Variants in ATP9A observed in about 807,000 individuals in gnomAD.
ATP9A encodes ATPase phospholipid transporting 9A.
Under a neutral mutation model 144.1 loss-of-function variants are expected in ATP9A, and 52 were observed. The observed-to-expected ratio is 0.36, with a 90% CI of 0.29 to 0.45. ATP9A has a LOEUF of 0.45. Among genes scored for constraint, ATP9A ranks in the 20% least tolerant of loss-of-function variants. ATP9A has a pLI of 1.00. For missense variants in ATP9A, 947 were observed against 1,392.7 expected (o/e 0.68, Z 5.09); for synonymous variants, 582 against 557.4 (o/e 1.04, Z -0.62).
At chr20:51,695,133 T>A (rs1038021364) in intron 6 of ATP9A, among the ~76,000 whole-genome samples, 4 of 152,066 alleles carry the variant, frequency 2.6e-5, no homozygotes, top group African/African-American at 9.7e-5. Flanking sequence ...CCTCCGATCA[T>A]GCCAGATAAG....
At chr20:51,633,509 G>A (rs544351011) in intron 15 of ATP9A, among the ~76,000 whole-genome samples, 8 of 152,310 alleles carry the variant, frequency 5.3e-5, no homozygotes, top group African/African-American at 1.9e-4. Flanking sequence ...ACTTAGGGAG[G>A]TTGAAGCGGG....
chr20:51,727,235 A>G (rs1235504801), intron 2 of ATP9A, among the ~76,000 whole-genome samples: 1 of 151,566 alleles, frequency 6.6e-6, no homozygotes, highest in Non-Finnish European at 1.5e-5. Context: ...AGATCGCGCC[A>G]CTACACTCCA....
At chr20:51,687,945 ATTAAG>A (rs1258593400) in intron 9 of ATP9A, among the ~76,000 whole-genome samples, 2 of 152,160 alleles carry the variant, frequency 1.3e-5, no homozygotes, top group Admixed American at 1.3e-4. Context: ...TAACTATACT[ATTAAG>A]TTAATGATAT....
At chr20:51,763,588 C>T (rs967926304) in intron 1 of ATP9A, among the ~76,000 whole-genome samples, 7 of 152,166 alleles carry the variant, frequency 4.6e-5, no homozygotes, top group African/African-American at 1.2e-4. Context: ...GCTGGGATTA[C>T]AGGAATGAGC....
intron 17 of ATP9A, 120 bp from the exon 18 acceptor site, chr20:51,625,482 C>A: frequency 8.4e-7 from 1 of 1,196,774 alleles, no homozygotes; most frequent in Non-Finnish European, 1.1e-6. Flanking sequence ...GGGACCCCAG[C>A]AGGTGAGCTG....
chr20:51,725,176 G>A (rs2077706937), intron 3 of ATP9A, among the ~76,000 whole-genome samples: 1 of 152,110 alleles, frequency 6.6e-6, no homozygotes, highest in South Asian at 2.1e-4. Flanking sequence ...AGGCTGGAGT[G>A]CAGTGGCGTG....
intron 18 of ATP9A, among the ~76,000 whole-genome samples, chr20:51,624,009 C>T (rs2077237580): frequency 6.6e-6 from 1 of 151,998 alleles, no homozygotes; most frequent in Non-Finnish European, 1.5e-5. Flanking sequence ...AACCCCAGGA[C>T]AAAGATGGAA....
chr20:51,668,215 C>T (rs2077441997), intron 13 of ATP9A, among the ~76,000 whole-genome samples: 1 of 144,084 alleles, frequency 6.9e-6, no homozygotes, highest in Non-Finnish European at 1.5e-5. Context: ...ATCTAGTGAT[C>T]GGGTGGGAGC....
At chr20:51,727,573 G>A (rs1388608098) in intron 2 of ATP9A, among the ~76,000 whole-genome samples, 1 of 151,824 alleles carries the variant, frequency 6.6e-6, no homozygotes, top group Non-Finnish European at 1.5e-5. Context: ...GTGACAATGA[G>A]TCCCCCACCT....
intron 11 of ATP9A, among the ~76,000 whole-genome samples, chr20:51,672,049 C>T (rs1462533534): frequency 6.6e-6 from 1 of 152,176 alleles, no homozygotes; most frequent in Non-Finnish European, 1.5e-5. Context: ...ATCCACCCGT[C>T]TTGGCCTCCC....
At chr20:51,616,538 C>T (rs994938952) in intron 22 of ATP9A, among the ~76,000 whole-genome samples, 14 of 152,062 alleles carry the variant, frequency 9.2e-5, no homozygotes, top group African/African-American at 3.1e-4. Context: ...AGGCTGGTCT[C>T]GAACTCCTGA....
chr20:51,766,302 G>T (rs981735147), intron 1 of ATP9A, among the ~76,000 whole-genome samples: 6 of 152,272 alleles, frequency 3.9e-5, no homozygotes, highest in African/African-American at 1.4e-4. Context: ...CCTGGTGATT[G>T]CAATGAACAG....
chr20:51,640,252 C>A (rs891573968), intron 14 of ATP9A, among the ~76,000 whole-genome samples: 5 of 152,226 alleles, frequency 3.3e-5, no homozygotes, highest in Non-Finnish European at 1.5e-5. Flanking sequence ...TCACACACTG[C>A]ACTGGGGGAG....
chr20:51,676,531 T>C (rs1477626634), intron 9 of ATP9A, among the ~76,000 whole-genome samples: 3 of 152,216 alleles, frequency 2.0e-5, no homozygotes, highest in Non-Finnish European at 4.4e-5. Context: ...CAGGCTGGAA[T>C]GCAATGGCGT....
At chr20:51,743,615 G>A (rs1253871156) in intron 1 of ATP9A, among the ~76,000 whole-genome samples, 1 of 149,500 alleles carries the variant, frequency 6.7e-6, no homozygotes, top group Admixed American at 6.6e-5. Context: ...GGTCAGGCTG[G>A]TCTGGTCTTG....
At chr20:51,737,973 G>A (rs758581718) in intron 1 of ATP9A, among the ~76,000 whole-genome samples, 2 of 151,852 alleles carry the variant, frequency 1.3e-5, no homozygotes, top group Non-Finnish European at 2.9e-5. Flanking sequence ...AGGATCACTT[G>A]AGCCCAGGAT....
intron 18 of ATP9A, 31 bp from the exon 19 acceptor site, chr20:51,622,203 T>C (rs1293820495): frequency 2.5e-6 from 4 of 1,593,744 alleles, no homozygotes; most frequent in Non-Finnish European, 3.4e-6. Flanking sequence ...AGGTCCTGTT[T>C]ATTAGTTTTT....
chr20:51,724,056 A>G (rs886900624), intron 3 of ATP9A, among the ~76,000 whole-genome samples: 1 of 151,922 alleles, frequency 6.6e-6, no homozygotes, highest in African/African-American at 2.4e-5. Flanking sequence ...CTGTAATCCC[A>G]GCTACTCGGG....
intron 10 of ATP9A, among the ~76,000 whole-genome samples, chr20:51,674,775 A>G (rs1419632569): frequency 1.3e-5 from 2 of 152,098 alleles, no homozygotes; most frequent in Non-Finnish European, 2.9e-5. Context: ...TGGGGCGCAC[A>G]CCAGTGGTGG....
Sources: allele counts gnomAD v4.1 joint callset (sites outside exome capture counted in the v4.1 genomes callset), GRCh38; gene constraint gnomAD v4.1.1; transcripts MANE v1.5; gene names NCBI Gene and HGNC (gene_info 2026-07-23, HGNC 2026-07-21).